GGCX: variants seen among roughly 807,000 people sequenced by gnomAD.
GGCX encodes vitamin K-dependent gamma-carboxylase.
Under a neutral mutation model 88.5 loss-of-function variants are expected in GGCX, and 63 were observed. The ratio of observed to expected loss-of-function variants is 0.71; its 90% CI spans 0.58 to 0.88. The LOEUF is 0.88. Among genes scored for constraint, GGCX ranks in the 40% least tolerant of loss-of-function variants. The probability of loss-of-function intolerance (pLI) is 0.00; values close to 1 mark genes in which losing one functional copy is unlikely to be tolerated. For missense variants in GGCX, 805 were observed against 932.9 expected (o/e 0.86, Z 1.79); for synonymous variants, 368 against 365.8 (o/e 1.01, Z -0.07).
chr2:85,558,271 C>T (rs565223477), intron 4 of GGCX, among the ~76,000 whole-genome samples, 169 bp downstream of exon 4: 31 of 152,262 alleles, frequency 2.0e-4, no homozygotes, highest in African/African-American at 6.5e-4. Context: ...TCATCCCAAG[C>T]GCTCCAACTA....
chr2:85,552,125 CAGAG>C (rs1691987782), intron 10 of GGCX, 144 bp from the exon 11 acceptor site: 1 of 749,518 alleles, frequency 1.3e-6, no homozygotes, highest in Admixed American at 2.0e-5. Context: ...CAGTCCAGGG[CAGAG>C]AAAGAAGGCA....
Position 85,548,397 on chromosome 2 carries a change from G to A in GGCX, c.*1537C>T, listed in dbSNP as rs1193045389. The A allele has an allele frequency of 6.6e-6, 1 of 152,176 alleles. No homozygotes were observed. The allele number at this position is 152,176 out of a possible 1,614,324, so 9.4% of individuals were successfully genotyped here. A position where few individuals can be genotyped will look rare whatever the true frequency, so the allele number is the denominator to read the frequency against. ...ATGTAAGTTCTGTTTAGGATGAACTGAGCTTGATAGCCCTGTGGGATATCC... is the reference window on the plus strand; with the variant it reads ...ATGTAAGTTCTGTTTAGGATGAACTAAGCTTGATAGCCCTGTGGGATATCC... On this transcript the variant is annotated 3_prime_UTR_variant, in exon 15 of 15. Transcript: ENST00000233838.
chr2:85,549,850 G>T lies in GGCX; in HGVS notation c.*84C>A. The T allele has an allele frequency of 2.2e-5, 17 of 775,510 alleles. No individual in the cohort carries two copies. Among genetic ancestry groups the T allele is most frequent in the Non-Finnish European group, 3.5e-5 (17 of 490,518 alleles). The allele number at this position is 775,510 out of a possible 1,614,324, so 48.0% of individuals were successfully genotyped here. ...CCAAAAAAAAAAAAAAAACTTTTGA[G>T]AATTTTTTTCAAATAAATGTCCATT... On this transcript the variant is annotated 3_prime_UTR_variant, in exon 15 of 15. Coordinates refer to ENST00000233838, the MANE Select transcript of GGCX (RefSeq NM_000821.7).
Position 85,550,032 on chromosome 2 carries a change from G to T in GGCX, c.2179C>A (p.Pro727Thr). 1 of 1,611,944 alleles carries T rather than the reference G, an allele frequency of 6.2e-7. No individual in the cohort carries two copies. Among genetic ancestry groups the T allele is most frequent in the Non-Finnish European group, 8.5e-7 (1 of 1,178,186 alleles). ...TTCAGTTCTCCAACTGCCTCAAAGGGTCTCAAGTTTGCATAAGTCACCTCC... is the reference window on the plus strand; with the variant it reads ...TTCAGTTCTCCAACTGCCTCAAAGGTTCTCAAGTTTGCATAAGTCACCTCC... Reference protein sequence around the residue: ...AQEVTYANLRPFEAVGELNPS... With the variant: ...AQEVTYANLRTFEAVGELNPS... The change falls in exon 15 of 15, where the codon CCC becomes ACC. Residue 727 changes from proline (P) to threonine (T), a missense_variant. Around this residue, in one of 3 missense-constraint regions of GGCX, gnomAD observed 680 missense variants for 763.7 expected, o/e 0.89. Coordinates refer to ENST00000233838, the MANE Select transcript of GGCX (RefSeq NM_000821.7).
intron 7 of GGCX, chr2:85,553,897 G>A (rs140596554): frequency 6.4e-5 from 34 of 533,708 alleles, no homozygotes; most frequent in Non-Finnish European, 1.0e-4. Context: ...CACCAAGCCC[G>A]GCCACAAAGT....
At chr2:85,556,082 A>C (rs150580311) in intron 5 of GGCX, 100 bp downstream of exon 5, 16,496 of 783,394 alleles carry the variant, frequency 0.021, 275 homozygotes, top group Admixed American at 0.034. Flanking sequence ...TAAAAACAGA[A>C]GATCCAGGGA....
intron 4 of GGCX, among the ~76,000 whole-genome samples, chr2:85,557,698 G>C (rs1272069062): frequency 6.6e-6 from 1 of 152,050 alleles, no homozygotes; most frequent in African/African-American, 2.4e-5. Context: ...CTTGAGCCCA[G>C]AAGTTCAAGA....
chr2:85,549,826 C>CCAAAA lies in GGCX; in HGVS notation c.*107_*108insTTTTG. 2.1e-6 allele frequency: 1 copy of CCAAAA among 474,174 alleles called. No homozygotes were observed. Among genetic ancestry groups the CCAAAA allele is most frequent in the Non-Finnish European group, 3.8e-6 (1 of 261,370 alleles). 29.4% of individuals were successfully genotyped at this position (474,174 alleles called of 1,614,324 possible). ...AAACAGCTTTAGAACCCCGCCCCCC[C>CCAAAA]AAAAAAAAAAAAAAAACTTTTGAGA... On this transcript the variant is annotated 3_prime_UTR_variant, in exon 15 of 15. Coordinates refer to ENST00000233838, the MANE Select transcript of GGCX (RefSeq NM_000821.7).
In GGCX at chr2:85,555,557, T is replaced by G. The variant is rs1341151059; in HGVS notation, c.652A>C (p.Lys218Gln). ...CCTTCAACCCAGTCTGCATCCAGCT[T>G]TTTCACACCCGCAATGAAGTACACA... is the stretch of plus-strand genomic sequence containing the variant. ...FIVYFIAGVK[K>Q]LDADWVEGYS... Residue 218 changes from lysine to glutamine, a missense_variant, in exon 6 of 15, where the codon AAG (lysine) becomes CAG (glutamine). This residue lies in a region of GGCX where 680 missense variants were observed against 763.7 expected (regional missense o/e 0.89). Coordinates refer to ENST00000233838, the MANE Select transcript of GGCX (RefSeq NM_000821.7). 9 of 1,602,036 alleles carry G rather than the reference T, an allele frequency of 5.6e-6. No homozygotes were observed. The highest frequency in any genetic ancestry group is 7.7e-6 in the Non-Finnish European group (9 of 1,169,124).
chr2:85,558,366 C>T, intron 4 of GGCX, 74 bp downstream of exon 4: 1 of 1,249,366 alleles, frequency 8.0e-7, no homozygotes, highest in South Asian at 1.2e-5. Flanking sequence ...AATTCCAGAA[C>T]CTCACTGGGC....
At chr2:85,555,002 A>G (rs1692146841) in intron 6 of GGCX, 1 of 168,518 alleles carries the variant, frequency 5.9e-6, no homozygotes, top group African/African-American at 2.4e-5. Context: ...GAAAGAGAAT[A>G]AAGTAAAACA....
Position 85,552,791 on chromosome 2 carries a change from C to T in GGCX, c.1287+148G>A, listed in dbSNP as rs1573322245. On this transcript the variant is annotated intron_variant, in intron 9 of 14. Coordinates refer to ENST00000233838, the MANE Select transcript of GGCX (RefSeq NM_000821.7). Reference sequence around the variant, plus strand: ...ATGAATGCATTGCCCTATCTCAACCCACATAAAAGATAGTTCAATCTGGCT... The same window carrying T: ...ATGAATGCATTGCCCTATCTCAACCTACATAAAAGATAGTTCAATCTGGCT... 1.4e-5 allele frequency: 13 copies of T among 952,692 alleles called. No individual in the cohort carries two copies. The East Asian group carries it at 3.1e-4, about 23-fold the overall frequency. The allele number at this position is 952,692 out of a possible 1,614,324, so 59.0% of individuals were successfully genotyped here. A position where few individuals can be genotyped will look rare whatever the true frequency, so the allele number is the denominator to read the frequency against.
rs1558803745 is a variant in GGCX, at chr2:85,549,641, G to GT, written c.*292dup. The GT allele has an allele frequency of 2.6e-6, 1 of 388,450 alleles. No individual in the cohort carries two copies. The highest frequency in any genetic ancestry group is 3.9e-5 in the Admixed American group (1 of 25,888). The allele number at this position is 388,450 out of a possible 1,614,324, so 24.1% of individuals were successfully genotyped here. ...CTCCCAAAATGCTGGGATTACAGGC[G>GT]TGAGCCACGGCACCCAGCCCCCAAA... is the stretch of plus-strand genomic sequence containing the variant. On this transcript the variant is annotated 3_prime_UTR_variant, in exon 15 of 15. Transcript: ENST00000233838.
Position 85,551,935 on chromosome 2 carries a change from A to C in GGCX, c.1486T>G (p.Phe496Val). 6.2e-7 allele frequency: 1 copy of C among 1,614,008 alleles called. No homozygotes were observed. Among genetic ancestry groups the C allele is most frequent in the Non-Finnish European group, 8.5e-7 (1 of 1,179,874 alleles). The change falls in exon 11 of 15, where the codon TTT (phenylalanine) becomes GTT (valine). Residue 496 changes from phenylalanine (F) to valine (V), a missense_variant. Coordinates refer to ENST00000233838, the MANE Select transcript of GGCX (RefSeq NM_000821.7). ...VDIVQAAWSP[F>V]QRTSWVQPLL... ...GGTTGCACCCAGGATGTGCGCTGAA[A>C]GGGTGACCAAGCGGCCTGCACGATG...
At chr2:85,552,862 G>GT in intron 9 of GGCX, 77 bp downstream of exon 9, 2 of 1,487,472 alleles carry the variant, frequency 1.3e-6, no homozygotes, top group East Asian at 2.3e-5. Context: ...GCTTTATGGT[G>GT]TGTGTAAGAC....
rs121909681 is a variant in GGCX at position 85,552,429 on chromosome 2, G to A, written c.1426C>T (p.Arg476Cys). Residue 476 changes from arginine (R) to cysteine (C), a missense_variant, in exon 10 of 15, where the codon CGC (arginine) becomes TGC (cysteine). Arg to Cys is a radical substitution (Grantham distance 180). Transcript: ENST00000233838. Reference protein sequence around the residue: ...YFDIWVSINDRFQQRIFDPRV... With the variant: ...YFDIWVSINDCFQQRIFDPRV... ...CCCCTTGCCCACCTCTGCTGGAAGC[G>A]GTCATTGATGGAGACCCAAATATCA... 3.7e-6 allele frequency: 6 copies of A among 1,613,822 alleles called. No homozygotes were observed. In the Admixed American group the frequency reaches 5.0e-5, roughly 13 times the overall value.
Position 85,548,029 on chromosome 2 carries a change from TCTA to T in GGCX, c.*1902_*1904del, listed in dbSNP as rs1347457599. The T allele has an allele frequency of 2.0e-5, 3 of 152,180 alleles. No individual in the cohort carries two copies. Among genetic ancestry groups the T allele is most frequent in the African/African-American group, 7.2e-5 (3 of 41,438 alleles). The allele number at this position is 152,180 out of a possible 1,614,324, so 9.4% of individuals were successfully genotyped here. A position where few individuals can be genotyped will look rare whatever the true frequency, so the allele number is the denominator to read the frequency against. On this transcript the variant is annotated 3_prime_UTR_variant, in exon 15 of 15. Coordinates refer to ENST00000233838, the MANE Select transcript of GGCX (RefSeq NM_000821.7). ...CCTGGCCAATGTGGGAAACCATGTC[TCTA>T]CTAAAAATACAAAAATTAGTTGGGC...
intron 2 of GGCX, among the ~76,000 whole-genome samples, chr2:85,560,579 G>C (rs1692395215): frequency 1.3e-5 from 2 of 151,720 alleles, no homozygotes; most frequent in African/African-American, 2.4e-5. Flanking sequence ...CTCCAGCTTG[G>C]GCAACAAGAG....
Position 85,561,404 on chromosome 2 carries a change from G to A in GGCX, c.25C>T (p.Arg9Trp), listed in dbSNP as rs1204362660. 1 of 1,570,658 alleles carries A rather than the reference G, an allele frequency of 6.4e-7. No homozygotes were observed. Among genetic ancestry groups the A allele is most frequent in the Non-Finnish European group, 8.6e-7 (1 of 1,158,358 alleles). ...AGCCTACCTGAGCTGGGCGAGGTCC[G>A]CGCGGACCCGGCAGACACCGCCATT... is the stretch of plus-strand genomic sequence containing the variant. MAVSAGSA[R>W]TSPSSDKVQK... Residue 9 changes from arginine (R) to tryptophan (W), a missense_variant, in exon 1 of 15, where the codon CGG becomes TGG. Arg to Trp is a moderately radical substitution (Grantham distance 101). This residue lies in a region of GGCX where 64 missense variants were observed against 57.4 expected (regional missense o/e 1.12). Coordinates refer to ENST00000233838, the MANE Select transcript of GGCX (RefSeq NM_000821.7).
Sources: gnomAD v4.1 joint callset for allele counts (sites outside exome capture counted in the v4.1 genomes callset) on GRCh38, gnomAD v4.1.1 for gene constraint, gnomAD v4.1.1 regional missense constraint, MANE v1.5 for transcripts, NCBI Gene and HGNC (gene_info 2026-07-23, HGNC 2026-07-21) for gene names.